Variants in RNF150 observed in about 807,000 individuals in gnomAD.
The protein encoded by RNF150 is ring finger protein 150.
In RNF150, 24 loss-of-function variants were observed where a neutral mutation model predicts 39.3. The ratio of observed to expected loss-of-function variants is 0.61; its 90% CI spans 0.44 to 0.86. The LOEUF is 0.86. Ranked by LOEUF, RNF150 falls within the 40% of genes least tolerant of loss-of-function variation. RNF150 has a pLI of 0.00. For missense variants in RNF150, 502 were observed against 587.8 expected (o/e 0.85, Z 1.51); for synonymous variants, 255 against 227.3 (o/e 1.12, Z -1.10).
At chr4:141,142,262 T>C (rs183476797) in intron 1 of RNF150, among the ~76,000 whole-genome samples, 11 of 152,304 alleles carry the variant, frequency 7.2e-5, no homozygotes, top group Non-Finnish European at 1.6e-4. Flanking sequence ...TGTATCCTTT[T>C]CTGTTGTTTA....
At chr4:141,070,546 A>G (rs1465949658) in intron 1 of RNF150, among the ~76,000 whole-genome samples, 1 of 150,392 alleles carries the variant, frequency 6.6e-6, no homozygotes, top group Non-Finnish European at 1.5e-5. Context: ...AAAAAAACAA[A>G]CAACCCCATC....
At chr4:141,059,748 C>T (rs989764963) in intron 1 of RNF150, among the ~76,000 whole-genome samples, 2 of 151,936 alleles carry the variant, frequency 1.3e-5, no homozygotes, top group Admixed American at 1.3e-4. Context: ...AAAAAGAAAC[C>T]TTCTATCTAA....
intron 1 of RNF150, among the ~76,000 whole-genome samples, chr4:141,128,814 G>A (rs1169206048): frequency 6.6e-6 from 1 of 152,048 alleles, no homozygotes; most frequent in Non-Finnish European, 1.5e-5. Context: ...AATAAATAAT[G>A]GTGGGTGTAA....
chr4:140,940,765 C>T (rs1435610500), intron 4 of RNF150, among the ~76,000 whole-genome samples: 1 of 152,182 alleles, frequency 6.6e-6, no homozygotes, highest in Non-Finnish European at 1.5e-5. Context: ...GAATAACCTA[C>T]CCCTTATTTA....
intron 1 of RNF150, among the ~76,000 whole-genome samples, chr4:141,067,771 T>A (rs1387805707): frequency 1.3e-5 from 2 of 152,140 alleles, no homozygotes; most frequent in African/African-American, 4.8e-5. Context: ...TCAAAGAGGA[T>A]AATTTCTCAT....
chr4:140,903,510 G>C (rs1236151754), intron 6 of RNF150, among the ~76,000 whole-genome samples: 1 of 152,070 alleles, frequency 6.6e-6, no homozygotes, highest in Non-Finnish European at 1.5e-5. Context: ...CATTGAAAAA[G>C]TGCTGACCTG....
At chr4:140,902,648 A>C (rs1343204642) in intron 6 of RNF150, among the ~76,000 whole-genome samples, 1 of 152,230 alleles carries the variant, frequency 6.6e-6, no homozygotes, top group Non-Finnish European at 1.5e-5. Flanking sequence ...ATAACATGCT[A>C]TCATAGCTAT....
At chr4:140,870,379 A>T (rs1469087847) in intron 6 of RNF150, among the ~76,000 whole-genome samples, 1 of 152,124 alleles carries the variant, frequency 6.6e-6, no homozygotes, top group African/African-American at 2.4e-5. Context: ...GTGAAACTGG[A>T]TCTGTGCCTC....
intron 1 of RNF150, among the ~76,000 whole-genome samples, chr4:141,086,309 A>G (rs1252352601): frequency 2.0e-5 from 3 of 152,194 alleles, no homozygotes; most frequent in Non-Finnish European, 2.9e-5. Flanking sequence ...AAAGTTTCAT[A>G]GTGAGTCTAC....
chr4:141,069,737 C>A (rs1214470293), intron 1 of RNF150, among the ~76,000 whole-genome samples: 2 of 151,570 alleles, frequency 1.3e-5, no homozygotes, highest in South Asian at 2.1e-4. Context: ...ACAATTTCAG[C>A]TCCTGTTATT....
intron 4 of RNF150, among the ~76,000 whole-genome samples, chr4:140,945,115 G>C (rs967986947): frequency 6.6e-6 from 1 of 152,130 alleles, no homozygotes; most frequent in Admixed American, 6.5e-5. Context: ...AGGGTTCATA[G>C]TATGGAAATA....
intron 5 of RNF150, among the ~76,000 whole-genome samples, chr4:140,913,981 C>T (rs868330807): frequency 7.9e-5 from 12 of 152,292 alleles, no homozygotes; most frequent in Admixed American, 3.3e-4. Context: ...GAAAAGATTT[C>T]GCAAAGAGGG....
chr4:140,929,216 G>A (rs1276853436), intron 4 of RNF150, among the ~76,000 whole-genome samples: 2 of 51,812 alleles, frequency 3.9e-5, no homozygotes, highest in Admixed American at 2.8e-4. Context: ...TGGCCTGTCT[G>A]TAGGATGGAG....
At chr4:140,946,108 T>A (rs575053585) in intron 4 of RNF150, among the ~76,000 whole-genome samples, 1 of 152,226 alleles carries the variant, frequency 6.6e-6, no homozygotes, top group African/African-American at 2.4e-5. Context: ...TTATCTCTAT[T>A]TATGATTTCG....
chr4:141,086,201 T>C (rs1738360837), intron 1 of RNF150, among the ~76,000 whole-genome samples: 1 of 152,192 alleles, frequency 6.6e-6, no homozygotes, highest in Non-Finnish European at 1.5e-5. Flanking sequence ...AAATATGTTG[T>C]TCAAATTTTC....
intron 6 of RNF150, among the ~76,000 whole-genome samples, chr4:140,881,929 C>T (rs1446266724): frequency 6.6e-6 from 1 of 152,108 alleles, no homozygotes; most frequent in East Asian, 1.9e-4. Flanking sequence ...ATGAGCTTTC[C>T]AGTTTGCTAT....
rs1553938684 is a variant in RNF150 at position 141,027,952 on chromosome 4, T to TTTTTTTTTTG, written c.485-60080_485-60079insCAAAAAAAAA. On this transcript the variant is annotated intron_variant, in intron 1 of 6. Transcript: ENST00000515673. ...TTTTTTTTTTTTTTTTTTTTTTTTT[T>TTTTTTTTTTG]CAATCCTGCTGGATCAAGATGTATA... Among the ~76,000 whole-genome samples the TTTTTTTTTTG allele has an allele frequency of 3.7e-3, 264 of 71,582 alleles. 38 individuals carry two copies. Among genetic ancestry groups the TTTTTTTTTTG allele is most frequent in the Non-Finnish European group, 5.3e-3 (183 of 34,308 alleles). 47.0% of individuals were successfully genotyped at this position (71,582 alleles called of 152,430 possible).
chr4:141,205,608 G>A (rs926379491), intron 1 of RNF150, among the ~76,000 whole-genome samples: 6 of 152,152 alleles, frequency 3.9e-5, no homozygotes, highest in Non-Finnish European at 8.8e-5. Flanking sequence ...TATGATGAGA[G>A]ATATTTCTTC....
chr4:140,959,892 C>T (rs1732946823), intron 2 of RNF150, among the ~76,000 whole-genome samples: 1 of 152,056 alleles, frequency 6.6e-6, no homozygotes, highest in Non-Finnish European at 1.5e-5. Context: ...ATCTCAGGCT[C>T]AGGCTACAGA....
Sources: gnomAD v4.1 joint callset for allele counts (sites outside exome capture counted in the v4.1 genomes callset) on GRCh38, gnomAD v4.1.1 for gene constraint, MANE v1.5 for transcripts, NCBI Gene and HGNC (gene_info 2026-07-23, HGNC 2026-07-21) for gene names.